The following STX8 variants were observed in gnomAD, a reference collection of about 807,000 sequenced individuals.
STX8 encodes syntaxin-8.
STX8 carries 23 observed loss-of-function variants against 37.5 expected under a neutral mutation model. That is an observed-to-expected ratio of 0.61 (90% CI 0.44 to 0.87). STX8 has a LOEUF of 0.87. STX8 is among the 40% of genes least tolerant of loss of function. The probability of loss-of-function intolerance (pLI) is 0.00; values close to 1 mark genes in which losing one functional copy is unlikely to be tolerated. For missense variants in STX8, 313 were observed against 284.7 expected (o/e 1.10, Z -0.71); for synonymous variants, 115 against 99.1 (o/e 1.16, Z -0.95).
At chr17:9,268,432 T>C (rs1447412025) in intron 7 of STX8, among the ~76,000 whole-genome samples, 1 of 152,166 alleles carries the variant, frequency 6.6e-6, no homozygotes, top group Non-Finnish European at 1.5e-5. Context: ...GCTGCAGAGC[T>C]CTGACCCCGA....
intron 6 of STX8, among the ~76,000 whole-genome samples, chr17:9,388,313 C>T (rs1043106790): frequency 2.0e-5 from 3 of 151,302 alleles, no homozygotes; most frequent in Non-Finnish European, 4.4e-5. Flanking sequence ...CTCAGGTGAT[C>T]CACTCACCTC....
intron 7 of STX8, among the ~76,000 whole-genome samples, chr17:9,346,075 C>T (rs1910525911): frequency 6.6e-6 from 1 of 151,926 alleles, no homozygotes; most frequent in South Asian, 2.1e-4. Context: ...TGGTCTCAGA[C>T]CCCTGACCTC....
intron 7 of STX8, among the ~76,000 whole-genome samples, chr17:9,254,624 G>A (rs1192035103): frequency 1.3e-5 from 2 of 152,090 alleles, no homozygotes; most frequent in African/African-American, 4.8e-5. Context: ...TCGAACTCCT[G>A]ACCTCAAGTG....
chr17:9,335,551 A>C (rs1910107593), intron 7 of STX8, among the ~76,000 whole-genome samples: 1 of 152,158 alleles, frequency 6.6e-6, no homozygotes, highest in African/African-American at 2.4e-5. Flanking sequence ...CGCTATATGC[A>C]TTCATAGAAA....
At chr17:9,404,516 G>A (rs939434517) in intron 6 of STX8, among the ~76,000 whole-genome samples, 21 of 151,802 alleles carry the variant, frequency 1.4e-4, no homozygotes, top group South Asian at 1.2e-3. Flanking sequence ...GTGCAGTGGC[G>A]TGATCTCAGC....
intron 5 of STX8, among the ~76,000 whole-genome samples, chr17:9,502,684 G>A (rs1400897115): frequency 6.6e-6 from 1 of 152,072 alleles, no homozygotes; most frequent in Non-Finnish European, 1.5e-5. Context: ...TCTTATACAT[G>A]AATGCTAATA....
chr17:9,337,356 ACTTACTCTCCTCTGCCATCTCT>A (rs1910171920), intron 7 of STX8, among the ~76,000 whole-genome samples: 1 of 151,962 alleles, frequency 6.6e-6, no homozygotes, highest in Non-Finnish European at 1.5e-5. Context: ...CCTAGGGACC[ACTTACTCTCCTCTGCCATCTCT>A]TATTTTATTT....
intron 2 of STX8, among the ~76,000 whole-genome samples, chr17:9,562,222 T>G (rs1907263237): frequency 6.6e-6 from 1 of 151,258 alleles, no homozygotes; most frequent in African/African-American, 2.4e-5. Context: ...GCTAATACGG[T>G]GAAACCCCGT....
chr17:9,522,840 A>T, intron 4 of STX8, among the ~76,000 whole-genome samples: 1 of 152,118 alleles, frequency 6.6e-6, no homozygotes, highest in East Asian at 1.9e-4. Context: ...GGCAGAAGTG[A>T]GTTCTGGTGT....
intron 7 of STX8, among the ~76,000 whole-genome samples, chr17:9,314,194 C>T (rs1363413278): frequency 6.6e-6 from 1 of 152,206 alleles, no homozygotes; most frequent in Non-Finnish European, 1.5e-5. Context: ...TTAACACTTT[C>T]ATGCCCTCTA....
chr17:9,471,143 G>A (rs1271911734), intron 6 of STX8, among the ~76,000 whole-genome samples: 4 of 106,942 alleles, frequency 3.7e-5, no homozygotes, highest in South Asian at 3.6e-4. Context: ...GTGAGCCACC[G>A]CACCCTGCTT....
At position 9,378,510 on chromosome 17, in the gene STX8, A is replaced by C. The variant is rs180896962; in HGVS notation, c.643+42T>G. Reference sequence around the variant, plus strand: ...GAAACTCAGAGCAGAGTAAATCCACAAGCTATGACAGAAACAGAGCCATAA... The same window carrying C: ...GAAACTCAGAGCAGAGTAAATCCACCAGCTATGACAGAAACAGAGCCATAA... On this transcript the variant is annotated intron_variant, in intron 7 of 7. Coordinates refer to ENST00000306357, the MANE Select transcript of STX8 (RefSeq NM_004853.3). 4.9e-4 allele frequency: 762 copies of C among 1,543,178 alleles called. 6 individuals are homozygous for C. The African/African-American group carries it at 9.6e-3, about 19-fold the overall frequency.
intron 6 of STX8, among the ~76,000 whole-genome samples, chr17:9,414,008 GTCCATCCATCCA>G (rs1190129501): frequency 6.5e-5 from 9 of 137,796 alleles, no homozygotes; most frequent in Non-Finnish European, 1.1e-4. Flanking sequence ...CTACCCATCT[GTCCATCCATCCA>G]TCCATCCATC....
At chr17:9,283,661 C>T (rs910401624) in intron 7 of STX8, among the ~76,000 whole-genome samples, 5 of 152,224 alleles carry the variant, frequency 3.3e-5, no homozygotes, top group East Asian at 1.9e-4. Context: ...ATGGATAGAA[C>T]GACATTCTTT....
intron 4 of STX8, among the ~76,000 whole-genome samples, chr17:9,528,225 C>T (rs59911374): frequency 3.3e-5 from 5 of 152,214 alleles, no homozygotes; most frequent in East Asian, 1.9e-4. Flanking sequence ...AACAGCCAAT[C>T]CTGGTTACTT....
chr17:9,369,886 C>CAAG (rs1911347082), intron 7 of STX8, among the ~76,000 whole-genome samples: 1 of 52,154 alleles, frequency 1.9e-5, no homozygotes, highest in East Asian at 7.6e-4. Context: ...GACCCTGTAC[C>CAAG]AAAAAAAAAA....
At chr17:9,307,682 C>T (rs537976460) in intron 7 of STX8, among the ~76,000 whole-genome samples, 76 of 152,172 alleles carry the variant, frequency 5.0e-4, no homozygotes, top group African/African-American at 1.2e-3. Context: ...GATCAGAACG[C>T]GATACCCCAG....
chr17:9,465,763 C>T (rs1597690253), intron 6 of STX8, among the ~76,000 whole-genome samples: 1 of 152,130 alleles, frequency 6.6e-6, no homozygotes, highest in East Asian at 1.9e-4. Context: ...GAAGCCAGGG[C>T]AGCCACTGCA....
intron 6 of STX8, among the ~76,000 whole-genome samples, chr17:9,451,180 CCA>C (rs1236484298): frequency 6.6e-6 from 1 of 152,172 alleles, no homozygotes; most frequent in African/African-American, 2.4e-5. Flanking sequence ...CAGATCTAAT[CCA>C]CACCATAATC....
Sources: allele counts gnomAD v4.1 joint callset (sites outside exome capture counted in the v4.1 genomes callset), GRCh38; gene constraint gnomAD v4.1.1; transcripts MANE v1.5; gene names NCBI Gene and HGNC (gene_info 2026-07-23, HGNC 2026-07-21).